The following MED12L variants were observed in gnomAD, a reference collection of about 807,000 sequenced individuals.
The protein encoded by MED12L is mediator complex subunit 12L, also known as mediator of RNA polymerase II transcription subunit 12-like protein.
A neutral mutation model predicts 281.3 loss-of-function variants in MED12L; 60 were observed. The observed-to-expected ratio is 0.21, with a 90% confidence interval of 0.17 to 0.26. The LOEUF is 0.26. Ranked by LOEUF, MED12L falls within the 10% of genes least tolerant of loss-of-function variation. The probability of loss-of-function intolerance (pLI) is 1.00; values close to 1 mark genes in which losing one functional copy is unlikely to be tolerated. For missense variants in MED12L, 2,146 were observed against 2,680.9 expected, an observed-to-expected ratio of 0.80 and a Z score of 4.41; for synonymous variants, 974 against 987.2, an observed-to-expected ratio of 0.99 and a Z score of 0.25.
chr3:151,431,601 T>C (rs1719518457), intron 44 of MED12L, among the ~76,000 whole-genome samples: 1 of 152,258 alleles, frequency 6.6e-6, no homozygotes, highest in African/African-American at 2.4e-5. Flanking sequence ...AATCTCATTA[T>C]GTTTCACTAA....
chr3:151,300,317 G>A (rs1003318931), intron 16 of MED12L: 1 of 592,250 alleles, frequency 1.7e-6, no homozygotes, highest in Non-Finnish European at 3.0e-6. Flanking sequence ...GTGCTCTTTG[G>A]AGATGAACAC....
At chr3:151,325,537 A>C (rs1749494178) in intron 16 of MED12L, among the ~76,000 whole-genome samples, 1 of 152,030 alleles carries the variant, frequency 6.6e-6, no homozygotes, top group African/African-American at 2.4e-5. Context: ...CATTTTGTGA[A>C]AGTGATTTTA....
At chr3:151,354,640 G>A (rs1753693231) in intron 17 of MED12L, among the ~76,000 whole-genome samples, 1 of 152,128 alleles carries the variant, frequency 6.6e-6, no homozygotes, top group South Asian at 2.1e-4. Flanking sequence ...CACTTTTTAT[G>A]ATAGCTAAAA....
At chr3:151,376,911 T>G in intron 29 of MED12L, 37 bp downstream of exon 29, 1 of 1,612,454 alleles carries the variant, frequency 6.2e-7, no homozygotes, top group Non-Finnish European at 8.5e-7. Context: ...TGTATGAAAT[T>G]TTATAAAAAG....
chr3:151,093,728 C>T (rs1449097165), intron 2 of MED12L, among the ~76,000 whole-genome samples: 2 of 152,226 alleles, frequency 1.3e-5, no homozygotes, highest in Admixed American at 1.3e-4. Flanking sequence ...CTTCTGCATG[C>T]ACTTGGCTAA....
intron 2 of MED12L, among the ~76,000 whole-genome samples, chr3:151,107,227 T>G (rs142675317): frequency 2.6e-5 from 4 of 152,336 alleles, no homozygotes; most frequent in East Asian, 3.9e-4. Flanking sequence ...TACCTATTCA[T>G]GATCTCCTTA....
At chr3:151,422,449 C>T (rs1226573044) in intron 43 of MED12L, among the ~76,000 whole-genome samples, 1 of 152,152 alleles carries the variant, frequency 6.6e-6, no homozygotes, top group Non-Finnish European at 1.5e-5. Flanking sequence ...TTTGGCATCG[C>T]TCGGCCCGTG....
intron 40 of MED12L, among the ~76,000 whole-genome samples, chr3:151,409,810 T>A (rs1000536366): frequency 6.6e-6 from 1 of 151,708 alleles, no homozygotes. Flanking sequence ...AAATAAAAAT[T>A]AAAAAATTAG....
chr3:151,308,362 T>C (rs1747003758), intron 16 of MED12L, among the ~76,000 whole-genome samples: 1 of 152,100 alleles, frequency 6.6e-6, no homozygotes, highest in Non-Finnish European at 1.5e-5. Context: ...AGGTGAAACA[T>C]GTATTTTTAT....
chr3:151,337,556 G>T, intron 16 of MED12L: 1 of 405,840 alleles, frequency 2.5e-6, no homozygotes, highest in Non-Finnish European at 4.4e-6. Flanking sequence ...CATGAATTCT[G>T]TGTAGTTTTG....
intron 2 of MED12L, among the ~76,000 whole-genome samples, chr3:151,100,188 TC>T (rs1721226055): frequency 6.6e-6 from 1 of 152,182 alleles, no homozygotes; most frequent in Admixed American, 6.5e-5. Context: ...GACACAGGGC[TC>T]CCCACTTACC....
chr3:151,213,506 C>A (rs148423792), intron 16 of MED12L: 2 of 1,614,026 alleles, frequency 1.2e-6, no homozygotes, highest in African/African-American at 2.7e-5. Flanking sequence ...CGCAAGATTT[C>A]TTTTGACTGG....
intron 16 of MED12L, among the ~76,000 whole-genome samples, chr3:151,298,217 A>G (rs769417855): frequency 6.6e-6 from 1 of 152,214 alleles, no homozygotes; most frequent in Non-Finnish European, 1.5e-5. Context: ...GCATTTCTCT[A>G]TATGATATTT....
chr3:151,317,438 T>C (rs1401717693), intron 16 of MED12L, among the ~76,000 whole-genome samples: 1 of 85,542 alleles, frequency 1.2e-5, no homozygotes, highest in African/African-American at 7.5e-5. Context: ...TCATATCACT[T>C]TTTTTTTTTT....
intron 16 of MED12L, among the ~76,000 whole-genome samples, chr3:151,301,597 A>T (rs527579489): frequency 6.6e-6 from 1 of 152,358 alleles, no homozygotes; most frequent in Admixed American, 6.5e-5. Context: ...AACCCAATTT[A>T]AAAAAGGTCA....
chr3:151,381,936 C>A (rs1475444083), intron 32 of MED12L, among the ~76,000 whole-genome samples: 3 of 152,164 alleles, frequency 2.0e-5, no homozygotes, highest in East Asian at 3.8e-4. Flanking sequence ...TCATTAATGA[C>A]CATATTTCAG....
chr3:151,123,849 C>T (rs1714123064), intron 4 of MED12L, among the ~76,000 whole-genome samples: 1 of 152,212 alleles, frequency 6.6e-6, no homozygotes, highest in African/African-American at 2.4e-5. Flanking sequence ...GTGTCTGTAG[C>T]TTCCATTGGC....
chr3:151,367,771 G>A lies in MED12L; in HGVS notation c.3448+5G>A. 1 of 1,600,756 alleles carries A rather than the reference G, an allele frequency of 6.2e-7. No homozygotes were observed. Among genetic ancestry groups the A allele is most frequent in the Non-Finnish European group, 8.5e-7 (1 of 1,171,990 alleles). On this transcript the variant is annotated splice_donor_5th_base_variant and intron_variant, in intron 24 of 44. Coordinates refer to ENST00000687756, the MANE Select transcript of MED12L (RefSeq NM_001393769.1). ...TTCCCTCTCTTCTAGCAGCAGGTAA[G>A]GCAGCATCCATGAACATCCGTTGCT...
intron 41 of MED12L, among the ~76,000 whole-genome samples, chr3:151,412,415 T>A (rs1003479776): frequency 6.6e-6 from 1 of 152,198 alleles, no homozygotes; most frequent in African/African-American, 2.4e-5. Flanking sequence ...ATTGCAGCCA[T>A]CATAGAAAGT....
Sources: allele counts gnomAD v4.1 joint callset (sites outside exome capture counted in the v4.1 genomes callset), GRCh38; gene constraint gnomAD v4.1.1; transcripts MANE v1.5; gene names NCBI Gene and HGNC (gene_info 2026-07-23, HGNC 2026-07-21).